The following COLQ variants were observed in gnomAD, a reference collection of about 807,000 sequenced individuals.
COLQ encodes acetylcholinesterase collagenic tail peptide.
A neutral mutation model predicts 69.0 loss-of-function variants in COLQ; 48 were observed. That is an observed-to-expected ratio of 0.70 (90% CI 0.55 to 0.88). The LOEUF (loss-of-function observed/expected upper bound fraction) is 0.88. Among genes scored for constraint, COLQ ranks in the 40% least tolerant of loss-of-function variants. The probability of loss-of-function intolerance (pLI) is 0.00; values close to 1 mark genes in which losing one functional copy is unlikely to be tolerated. For synonymous variants in COLQ, 217 were observed against 211.2 expected, an observed-to-expected ratio of 1.03 and a Z score of -0.24; for missense variants, 618 against 594.6, an observed-to-expected ratio of 1.04 and a Z score of -0.41.
chr3:15,493,702 T>C (rs932668625), intron 1 of COLQ, among the ~76,000 whole-genome samples: 1 of 152,238 alleles, frequency 6.6e-6, no homozygotes, highest in Non-Finnish European at 1.5e-5. Context: ...ACCCAGTCTT[T>C]AGCAGGATCT....
intron 1 of COLQ, chr3:15,499,020 A>AC (rs1224461867): frequency 1.3e-4 from 122 of 938,008 alleles, no homozygotes; most frequent in Non-Finnish European, 1.5e-4. Flanking sequence ...CTCAAAGTCA[A>AC]CCCCCCACCG....
rs1319076021 is a variant in COLQ, at chr3:15,473,916, C to T, written c.636+84G>A. The T allele has an allele frequency of 2.1e-6, 3 of 1,450,414 alleles. No individual in the cohort carries two copies. Among genetic ancestry groups the T allele is most frequent in the Non-Finnish European group, 9.6e-7 (1 of 1,036,560 alleles). 89.8% of individuals were successfully genotyped at this position (1,450,414 alleles called of 1,614,324 possible). A position where few individuals can be genotyped will look rare whatever the true frequency, so the allele number is the denominator to read the frequency against. On this transcript the variant is annotated intron_variant, in intron 10 of 16. Transcript: ENST00000383788. The surrounding 1 kb of genome is among the most constrained non-coding windows in gnomAD (Gnocchi z 4.0). ...AAACCCACCATCCCTGCCTGATAGACAAGGAGGCAGAGTTCTTTTTGTTGT... is the reference window on the plus strand; with the variant it reads ...AAACCCACCATCCCTGCCTGATAGATAAGGAGGCAGAGTTCTTTTTGTTGT...
chr3:15,504,388 GCATGGCCACCTGCTTGCCATGTCCTCA>G (rs2062874907), intron 1 of COLQ, among the ~76,000 whole-genome samples: 1 of 152,282 alleles, frequency 6.6e-6, no homozygotes, highest in East Asian at 1.9e-4. Flanking sequence ...TTTGGCTTGG[GCATGGCCACCTGCTTGCCATGTCCTCA>G]CATGGCCTCT....
At chr3:15,498,497 G>A (rs1461433110) in intron 1 of COLQ, 18 of 1,545,262 alleles carry the variant, frequency 1.2e-5, no homozygotes, top group South Asian at 2.4e-5. Context: ...GTGCACACAC[G>A]CACACACAAC....
intron 12 of COLQ, among the ~76,000 whole-genome samples, chr3:15,463,578 C>T (rs983205156): frequency 6.6e-6 from 1 of 152,042 alleles, no homozygotes; most frequent in African/African-American, 2.4e-5. Flanking sequence ...GATCTCCTGA[C>T]CTCATGATCT....
chr3:15,487,437 T>C (rs1319126547), intron 3 of COLQ, among the ~76,000 whole-genome samples: 1 of 152,196 alleles, frequency 6.6e-6, no homozygotes, highest in Non-Finnish European at 1.5e-5. Context: ...GAGTCCCCTC[T>C]TGTGGGGCTT....
intron 1 of COLQ, among the ~76,000 whole-genome samples, chr3:15,503,337 C>A (rs1258799290): frequency 6.6e-6 from 1 of 152,170 alleles, no homozygotes; most frequent in East Asian, 1.9e-4. Context: ...CATTTCCCAG[C>A]CCTCTGCAGT....
At chr3:15,454,142 G>T (rs2061991740) in intron 15 of COLQ, among the ~76,000 whole-genome samples, 1 of 152,166 alleles carries the variant, frequency 6.6e-6, no homozygotes, top group South Asian at 2.1e-4. Context: ...GGAGATCCTG[G>T]CTCCAGCCCC....
In COLQ at chr3:15,505,334, C is replaced by T. The variant is rs142183660; in HGVS notation, c.107-15697G>A. On this transcript the variant is annotated intron_variant, in intron 1 of 16. Coordinates refer to ENST00000383788, the MANE Select transcript of COLQ (RefSeq NM_005677.4). The stretch of plus-strand genomic sequence containing the variant: ...GAGGAGGAAAAGTCTATCCTCACTA[C>T]AAGGATGAAAGAAAATCAGTCATCT... Among the ~76,000 whole-genome samples, 22 of 152,276 alleles carry T rather than the reference C, an allele frequency of 1.4e-4. No individual in the cohort carries two copies. The East Asian group carries it at 4.2e-3, about 29-fold the overall frequency.
At chr3:15,470,638 C>A (rs2062267182) in intron 10 of COLQ, 22 bp from the exon 11 acceptor site, 2 of 1,611,792 alleles carry the variant, frequency 1.2e-6, no homozygotes, top group African/African-American at 2.7e-5. Context: ...GAAAGAGAAG[C>A]AAGAGAGGAC....
chr3:15,472,107 A>T (rs2062298810), intron 10 of COLQ, among the ~76,000 whole-genome samples: 1 of 152,188 alleles, frequency 6.6e-6, no homozygotes, highest in Admixed American at 6.5e-5. Context: ...GTCTTAAAAC[A>T]GCCTGTCATA....
At chr3:15,461,256 A>C in intron 12 of COLQ, among the ~76,000 whole-genome samples, 1 of 140,464 alleles carries the variant, frequency 7.1e-6, no homozygotes, top group Non-Finnish European at 1.5e-5. Flanking sequence ...CACCCTTTCC[A>C]CCTCCCCCAG....
chr3:15,456,466 G>T lies in COLQ; in HGVS notation c.1068C>A (p.Pro356=). The part of the protein sequence containing the change: ...LYFKDSLGWL[P]IQLTPFYPVD... ...GGTAATGGCCTGGGGGTACCTGGAT[G>T]GGGAGCCAGCCAAGGCTGTCCTTGA... The change falls in exon 14 of 17, where the codon CCC becomes CCA. Residue 356 remains proline (P), a synonymous_variant. Coordinates refer to ENST00000383788, the MANE Select transcript of COLQ (RefSeq NM_005677.4). 6.2e-7 allele frequency: 1 copy of T among 1,614,094 alleles called. No homozygotes were observed. The highest frequency in any genetic ancestry group is 1.1e-5 in the South Asian group (1 of 91,080).
intron 12 of COLQ, among the ~76,000 whole-genome samples, chr3:15,461,816 AG>A (rs2062118738): frequency 1.3e-5 from 2 of 152,054 alleles, no homozygotes; most frequent in South Asian, 4.1e-4. Flanking sequence ...GCGCTGGGAC[AG>A]GGGTTCTGGA....
At chr3:15,481,082 C>A (rs1241896861) in intron 3 of COLQ, among the ~76,000 whole-genome samples, 2 of 152,058 alleles carry the variant, frequency 1.3e-5, no homozygotes, top group African/African-American at 4.8e-5. Flanking sequence ...GATATTAGCC[C>A]TTTGTAGATT....
chr3:15,496,436 T>C (rs1013057640), intron 1 of COLQ: 4 of 155,772 alleles, frequency 2.6e-5, no homozygotes, highest in South Asian at 2.0e-4. Flanking sequence ...CACATGTCTA[T>C]TTTGGTGTCA....
At chr3:15,455,426 C>T (rs776914327) in intron 15 of COLQ, among the ~76,000 whole-genome samples, 6 of 152,206 alleles carry the variant, frequency 3.9e-5, no homozygotes, top group African/African-American at 7.2e-5. Flanking sequence ...CAGCAGCCCA[C>T]GAGGCTGACA....
intron 1 of COLQ, among the ~76,000 whole-genome samples, chr3:15,490,973 G>A (rs1459158925): frequency 1.3e-5 from 2 of 151,990 alleles, no homozygotes; most frequent in East Asian, 1.9e-4. Flanking sequence ...TCTCCTCCCC[G>A]GCATCTCTGA....
At chr3:15,451,851 G>C in intron 16 of COLQ, 138 bp from the exon 17 acceptor site, 1 of 763,818 alleles carries the variant, frequency 1.3e-6, no homozygotes, top group South Asian at 1.5e-5. Flanking sequence ...TGAGAGGCCT[G>C]GGGGAGTTGA....
Sources: gnomAD v4.1 joint callset for allele counts (sites outside exome capture counted in the v4.1 genomes callset) on GRCh38, gnomAD v4.1.1 for gene constraint, Gnocchi (gnomAD v3.1) non-coding constraint, MANE v1.5 for transcripts, NCBI Gene and HGNC (gene_info 2026-07-23, HGNC 2026-07-21) for gene names.